The following MXD3 variants were observed in gnomAD, a reference collection of about 807,000 sequenced individuals.
MXD3 encodes the protein Max-associated protein 3.
MXD3 carries 20 observed loss-of-function variants against 27.5 expected under a neutral mutation model. That is an observed-to-expected ratio of 0.73 (90% confidence interval 0.51 to 1.06). The LOEUF (loss-of-function observed/expected upper bound fraction) is 1.06. MXD3 is among the 50% of genes least tolerant of loss of function. MXD3 has a pLI of 0.00. For synonymous variants in MXD3, 150 were observed against 130.7 expected, an observed-to-expected ratio of 1.15 and a Z score of -1.01; for missense variants, 298 against 291.3, an observed-to-expected ratio of 1.02 and a Z score of -0.17.
chr5:177,307,862 C>A lies in MXD3; in HGVS notation c.424G>T (p.Gly142Trp). The A allele has an allele frequency of 6.2e-7, 1 of 1,609,736 alleles. No homozygotes were observed. Among genetic ancestry groups the A allele is most frequent in the Non-Finnish European group, 8.5e-7 (1 of 1,178,708 alleles). ...RQLEQLRGLA[G>W]AAERERLRAD... ...CGCAGCCGCTCCCGCTCGGCCGCCC[C>A]TGCCAGCCCCCGGAGCTGCTCCAGC... is the stretch of plus-strand genomic sequence containing the variant. The change falls in exon 5 of 6, where the codon GGG (glycine) becomes TGG (tryptophan). Residue 142 changes from glycine to tryptophan, a missense_variant. Transcript: ENST00000439742.
At chr5:177,312,425 T>G (rs1761060866), upstream of MXD3, 8 of 983,422 alleles carry the variant, frequency 8.1e-6, no homozygotes, top group Non-Finnish European at 9.6e-6. Flanking sequence ...CTCCCGCCGC[T>G]GATCCACACG....
intron 4 of MXD3, among the ~76,000 whole-genome samples, chr5:177,308,797 G>A (rs1040660221): frequency 6.6e-6 from 1 of 152,202 alleles, no homozygotes; most frequent in Non-Finnish European, 1.5e-5. Flanking sequence ...CCAGTCTGTA[G>A]CTCCTGGTCA....
intron 2 of MXD3, 175 bp from the exon 3 acceptor site, chr5:177,310,872 A>G: frequency 1.4e-6 from 1 of 701,964 alleles, no homozygotes; most frequent in Non-Finnish European, 2.4e-6. Flanking sequence ...GGGGAGTCAA[A>G]GACACACGGA....
chr5:177,311,545 C>G (rs1761039762), intron 1 of MXD3, 61 bp from the exon 2 acceptor site: 1 of 1,312,788 alleles, frequency 7.6e-7, no homozygotes, highest in African/African-American at 1.5e-5. Flanking sequence ...AGCGGCAGCC[C>G]CAGGCACAGC....
downstream of MXD3, chr5:177,306,835 C>T: frequency 1.4e-6 from 1 of 738,862 alleles, no homozygotes; most frequent in Non-Finnish European, 2.2e-6. Flanking sequence ...TGCAGGTTAA[C>T]TGGCGGTAAG....
intron 4 of MXD3, among the ~76,000 whole-genome samples, chr5:177,310,197 G>A (rs1760999688): frequency 6.6e-6 from 1 of 152,264 alleles, no homozygotes; most frequent in Non-Finnish European, 1.5e-5. Flanking sequence ...AACAGCAACA[G>A]TGAACATTTA....
At chr5:177,309,565 G>A (rs972269816) in intron 4 of MXD3, among the ~76,000 whole-genome samples, 6 of 152,226 alleles carry the variant, frequency 3.9e-5, no homozygotes, top group East Asian at 1.9e-4. Context: ...AGCTGTTCCC[G>A]CAGCTGTGGT....
In MXD3 at chr5:177,307,244, G is replaced by T. The variant is rs539700826; in HGVS notation, c.*344C>A. On this transcript the variant is annotated 3_prime_UTR_variant, in exon 6 of 6. Transcript: ENST00000439742. The stretch of plus-strand genomic sequence containing the variant: ...AGGCTTTTAATGAAAATACTGTACA[G>T]TTTATGTGAGGCAAAGGCAGGGGGC... 2 of 1,551,740 alleles carry T rather than the reference G, an allele frequency of 1.3e-6. No individual in the cohort carries two copies. Among genetic ancestry groups the T allele is most frequent in the African/African-American group, 2.7e-5 (2 of 73,180 alleles).
intron 4 of MXD3, among the ~76,000 whole-genome samples, chr5:177,308,252 C>T (rs1049801702): frequency 1.3e-5 from 2 of 152,214 alleles, no homozygotes; most frequent in African/African-American, 2.4e-5. Flanking sequence ...AGTGCTGTGG[C>T]GTCCAGGGGT....
At chr5:177,308,048 C>T (rs1274828300) in intron 4 of MXD3, 84 bp from the exon 5 acceptor site, 20 of 1,304,190 alleles carry the variant, frequency 1.5e-5, no homozygotes, top group Non-Finnish European at 1.8e-5. Context: ...TACCGGGCCA[C>T]GGCCACAGGG....
At chr5:177,312,166 A>AT, upstream of MXD3, 1 of 1,033,972 alleles carries the variant, frequency 9.7e-7, no homozygotes, top group Non-Finnish European at 1.2e-6. Flanking sequence ...ACGCCGGCTC[A>AT]TTGGCGTCTT....
chr5:177,309,515 A>G (rs1044174021), intron 4 of MXD3, among the ~76,000 whole-genome samples: 1 of 152,222 alleles, frequency 6.6e-6, no homozygotes, highest in African/African-American at 2.4e-5. Flanking sequence ...AGTGTTACTC[A>G]GCCACAATGA....
intron 4 of MXD3, 94 bp from the exon 5 acceptor site, chr5:177,308,058 G>A (rs1760934875): frequency 6.6e-6 from 8 of 1,206,550 alleles, no homozygotes; most frequent in Admixed American, 2.9e-5. Flanking sequence ...CGGCCACAGG[G>A]CCAATGCCCA....
rs1479502517 is a variant in MXD3 at position 177,307,896 on chromosome 5, C to T, written c.390G>A (p.Leu130=). 2 of 1,604,232 alleles carry T rather than the reference C, an allele frequency of 1.2e-6. No homozygotes were observed. Among genetic ancestry groups the T allele is most frequent in the Admixed American group, 1.7e-5 (1 of 59,098 alleles). Residue 130 remains leucine (L), a synonymous_variant, in exon 5 of 6, where the codon CTG becomes CTA. Coordinates refer to ENST00000439742, the MANE Select transcript of MXD3 (RefSeq NM_031300.4). ...CCCGGAGCTGCTCCAGCTGCCGCTGCAGGCTCTGCTGCTTGCTGCGCAGCC... is the reference window on the plus strand; with the variant it reads ...CCCGGAGCTGCTCCAGCTGCCGCTGTAGGCTCTGCTGCTTGCTGCGCAGCC... ...KERLRSKQQS[L]QRQLEQLRGL...
At position 177,307,251 on chromosome 5, in the gene MXD3, T is replaced by G. The variant is rs1449003246; in HGVS notation, c.*337A>C. 1.3e-6 allele frequency: 2 copies of G among 1,551,570 alleles called. No individual in the cohort carries two copies. The highest frequency in any genetic ancestry group is 1.7e-6 in the Non-Finnish European group (2 of 1,146,990). On this transcript the variant is annotated 3_prime_UTR_variant, in exon 6 of 6. Coordinates refer to ENST00000439742, the MANE Select transcript of MXD3 (RefSeq NM_031300.4). ...TAATGAAAATACTGTACAGTTTATG[T>G]GAGGCAAAGGCAGGGGGCCTTGTCC...
At chr5:177,306,324 G>C, downstream of MXD3, 1 of 1,589,842 alleles carries the variant, frequency 6.3e-7, no homozygotes, top group South Asian at 1.1e-5. Flanking sequence ...CACCTTTTTA[G>C]TGGAGCCTGG....
At position 177,307,957 on chromosome 5, in the gene MXD3, T is replaced by A; in HGVS notation, c.329A>T (p.Glu110Val). 1 of 1,555,226 alleles carries A rather than the reference T, an allele frequency of 6.4e-7. No homozygotes were observed. Among genetic ancestry groups the A allele is most frequent in the Non-Finnish European group, 8.7e-7 (1 of 1,149,822 alleles). The change falls in exon 5 of 6, where the codon GAG becomes GTG. Residue 110 changes from glutamate (E) to valine (V), a missense_variant. By Grantham distance (121) the Glu-to-Val change is moderately radical (BLOSUM62 -2). Transcript: ENST00000439742. ...CTGTCGGGCCCGCTGCTCCTGATCC[T>A]CCAGCTTCTGCGGATCCCAAAGGAG... ...RRARMHIQKL[E>V]DQEQRARQLK...
chr5:177,310,213 T>A (rs1761000347), intron 4 of MXD3, among the ~76,000 whole-genome samples: 1 of 152,184 alleles, frequency 6.6e-6, no homozygotes, highest in African/African-American at 2.4e-5. Context: ...ATTTATAGAG[T>A]GAACTCATTT....
chr5:177,308,005 TG>T, intron 4 of MXD3, 41 bp from the exon 5 acceptor site: 2 of 1,472,232 alleles, frequency 1.4e-6, no homozygotes, highest in Non-Finnish European at 9.0e-7. Context: ...GTCAGCGGCG[TG>T]GGGGCTTGGG....
Sources: allele counts gnomAD v4.1 joint callset (sites outside exome capture counted in the v4.1 genomes callset), GRCh38; gene constraint gnomAD v4.1.1; transcripts MANE v1.5; gene names NCBI Gene and HGNC (gene_info 2026-07-23, HGNC 2026-07-21).